Variants in COL9A3 observed in about 807,000 individuals in gnomAD.
The protein encoded by COL9A3 is collagen type IX alpha 3 chain, also known as collagen alpha-3(IX) chain.
Under a neutral mutation model 110.2 loss-of-function variants are expected in COL9A3, and 82 were observed. The observed-to-expected ratio is 0.74, with a 90% CI of 0.62 to 0.89. The LOEUF is 0.89. Among genes scored for constraint, COL9A3 ranks in the 40% least tolerant of loss-of-function variants. COL9A3 has a pLI of 0.00. For missense variants in COL9A3, 1,066 were observed against 981.3 expected, an observed-to-expected ratio of 1.09 and a Z score of -1.15; for synonymous variants, 494 against 403.8, an observed-to-expected ratio of 1.22 and a Z score of -2.68.
At chr20:62,836,108 C>T (rs548093180) in intron 27 of COL9A3, 79 bp from the exon 28 acceptor site, 15 of 1,603,584 alleles carry the variant, frequency 9.4e-6, no homozygotes, top group Non-Finnish European at 1.2e-5. Context: ...CGGCTCCGTG[C>T]CGGCTGGGAA....
At chr20:62,838,157 C>G (rs2063650468) in intron 30 of COL9A3, among the ~76,000 whole-genome samples, 1 of 152,218 alleles carries the variant, frequency 6.6e-6, no homozygotes. Flanking sequence ...TGCCAGAGGT[C>G]AGGGAGGTGG....
intron 10 of COL9A3, among the ~76,000 whole-genome samples, chr20:62,823,026 G>A (rs1372375061): frequency 1.3e-5 from 2 of 151,796 alleles, no homozygotes; most frequent in Non-Finnish European, 2.9e-5. Flanking sequence ...TTTGAGCCTT[G>A]TCATTTGCCT....
At chr20:62,827,175 C>G in intron 15 of COL9A3, 66 bp from the exon 16 acceptor site, 1 of 1,572,682 alleles carries the variant, frequency 6.4e-7, no homozygotes, top group Non-Finnish European at 8.7e-7. Context: ...TGGAGGGGCC[C>G]CCGTCCTACT....
intron 11 of COL9A3, 97 bp from the exon 12 acceptor site, chr20:62,824,871 C>A: frequency 7.7e-7 from 1 of 1,300,108 alleles, no homozygotes; most frequent in Non-Finnish European, 1.1e-6. Context: ...GTGTGGCGGG[C>A]CCTGGGCTGA....
rs3034175 is a variant in COL9A3 at position 62,822,830 on chromosome 20, CCCT to C, written c.519+203_519+205del. 0.14 allele frequency among the ~76,000 whole-genome samples: 21,285 copies of C among 152,018 alleles called. 1,544 individuals are homozygous for C. Among genetic ancestry groups the C allele is most frequent in the African/African-American group, 0.17 (7,116 of 41,440 alleles). On this transcript the variant is annotated intron_variant, in intron 10 of 31. Transcript: ENST00000649368. ...TGGGACCTCCCCCTCCCCCTTCCCA[CCCT>C]CCTCACCACCGTCTAGACCTGCACT...
At chr20:62,827,679 C>T (rs1380641948) in intron 16 of COL9A3, among the ~76,000 whole-genome samples, 1 of 152,218 alleles carries the variant, frequency 6.6e-6, no homozygotes. Context: ...ACTGGTCAGC[C>T]TCCACACCTC....
At chr20:62,835,887 A>C (rs778273129) in intron 26 of COL9A3, 34 bp from the exon 27 acceptor site, 6 of 1,613,790 alleles carry the variant, frequency 3.7e-6, no homozygotes, top group South Asian at 1.1e-5. Context: ...CCAACAATAC[A>C]CTTAGTTCAA....
At chr20:62,836,927 G>C (rs751816054) in intron 29 of COL9A3, 156 bp from the exon 30 acceptor site, 13 of 1,010,296 alleles carry the variant, frequency 1.3e-5, no homozygotes, top group Non-Finnish European at 1.9e-5. Context: ...TCTAGCTCCA[G>C]CATTCATCAC....
chr20:62,826,732 A>T (rs2063556243), intron 14 of COL9A3, 35 bp from the exon 15 acceptor site: 1 of 1,610,782 alleles, frequency 6.2e-7, no homozygotes, highest in Non-Finnish European at 8.5e-7. Context: ...CAGGCCTCAG[A>T]CAAGAGGACC....
chr20:62,821,305 G>T, intron 6 of COL9A3, 89 bp downstream of exon 6: 1 of 1,442,640 alleles, frequency 6.9e-7, no homozygotes, highest in Non-Finnish European at 9.6e-7. Flanking sequence ...AGGAATCCCA[G>T]GGACCATCCC....
At chr20:62,826,622 G>T in intron 14 of COL9A3, 145 bp from the exon 15 acceptor site, 1 of 829,202 alleles carries the variant, frequency 1.2e-6, no homozygotes. Flanking sequence ...GGGATTTGGA[G>T]ACTACTAGGT....
chr20:62,818,409 G>A lies in COL9A3; in HGVS notation c.148-109G>A, dbSNP rs142657282. 616 of 1,071,278 alleles carry A rather than the reference G, an allele frequency of 5.8e-4. 18 individuals carry two copies. The East Asian group carries it at 0.014, about 25-fold the overall frequency. The allele number at this position is 1,071,278 out of a possible 1,614,324, so 66.4% of individuals were successfully genotyped here. Reference sequence around the variant, plus strand: ...TCAGGGGCCCCTTTTGTCTGCTGGGGCTGGGCCTCTGGGGCTGATTTGGAG... The same window carrying A: ...TCAGGGGCCCCTTTTGTCTGCTGGGACTGGGCCTCTGGGGCTGATTTGGAG... On this transcript the variant is annotated intron_variant, in intron 2 of 31. Coordinates refer to ENST00000649368, the MANE Select transcript of COL9A3 (RefSeq NM_001853.4).
chr20:62,830,257 G>A lies in COL9A3; in HGVS notation c.1162-103G>A, dbSNP rs1281835803. The A allele has an allele frequency of 5.1e-6, 7 of 1,364,482 alleles. No individual in the cohort carries two copies. In the Admixed American group the frequency reaches 1.2e-4, roughly 23 times the overall value. The allele number at this position is 1,364,482 out of a possible 1,614,324, so 84.5% of individuals were successfully genotyped here. A position where few individuals can be genotyped will look rare whatever the true frequency, so the allele number is the denominator to read the frequency against. ...GCCAGGTGGCTTAGAACCGGCTCCT[G>A]TGTCCACCCACTCTGGGGGAAGGCT... On this transcript the variant is annotated intron_variant, in intron 22 of 31. Coordinates refer to ENST00000649368, the MANE Select transcript of COL9A3 (RefSeq NM_001853.4).
intron 17 of COL9A3, among the ~76,000 whole-genome samples, chr20:62,828,345 G>C (rs915098945): frequency 1.3e-5 from 2 of 152,200 alleles, no homozygotes; most frequent in Non-Finnish European, 2.9e-5. Context: ...CCCTCGTGTT[G>C]CCTCTGCCCC....
At chr20:62,824,827 A>C (rs1568753006) in intron 11 of COL9A3, 141 bp from the exon 12 acceptor site, 4 of 926,976 alleles carry the variant, frequency 4.3e-6, no homozygotes, top group Non-Finnish European at 6.8e-6. Context: ...CAGTTTCCCC[A>C]TGAGGGCCCA....
rs376052856 is a variant in COL9A3 at position 62,825,643 on chromosome 20, C to T, written c.631-174C>T. ...CCGGCAGGGCGAGGCCACCGAGACT[C>T]GCGGGACTGCTCTGGAACTGTGGGC... On this transcript the variant is annotated intron_variant, in intron 12 of 31. Coordinates refer to ENST00000649368, the MANE Select transcript of COL9A3 (RefSeq NM_001853.4). 7.2e-5 allele frequency: 50 copies of T among 694,960 alleles called. No individual in the cohort carries two copies. In the Middle Eastern group the frequency reaches 1.2e-3, roughly 17 times the overall value. 43.0% of individuals were successfully genotyped at this position (694,960 alleles called of 1,614,324 possible).
intron 28 of COL9A3, 46 bp from the exon 29 acceptor site, chr20:62,836,420 GGAATGCCTCACC>G (rs2063636511): frequency 1.2e-6 from 2 of 1,613,234 alleles, no homozygotes; most frequent in Admixed American, 3.3e-5. Flanking sequence ...GGTGACGGTG[GGAATGCCTCACC>G]GAGGCTGCCG....
rs756924447 is a variant in COL9A3, at chr20:62,830,530, G to A, written c.1229G>A (p.Ser410Asn). ...GVRGFQGQKG[S>N]MGDPGLPGPQ... ...CTCCTTCCCCAGGGCCAGAAGGGCAGCATGGGAGACCCCGGCCTTCCAGGC... is the reference window on the plus strand; with the variant it reads ...CTCCTTCCCCAGGGCCAGAAGGGCAACATGGGAGACCCCGGCCTTCCAGGC... Residue 410 changes from serine (S) to asparagine (N), a missense_variant, in exon 24 of 32, where the codon AGC becomes AAC. Physicochemically the swap from Ser to Asn is conservative, Grantham distance 46. Transcript: ENST00000649368. 1 of 1,608,764 alleles carries A rather than the reference G, an allele frequency of 6.2e-7. No homozygotes were observed. Among genetic ancestry groups the A allele is most frequent in the Non-Finnish European group, 8.5e-7 (1 of 1,178,548 alleles).
upstream of COL9A3, among the ~76,000 whole-genome samples, chr20:62,816,775 T>C (rs1990925993): frequency 3.3e-5 from 5 of 152,078 alleles, no homozygotes; most frequent in Admixed American, 3.3e-4. Flanking sequence ...GAAAAGAGCG[T>C]CTTTCTCTCT....
Sources: gnomAD v4.1 joint callset for allele counts (sites outside exome capture counted in the v4.1 genomes callset) on GRCh38, gnomAD v4.1.1 for gene constraint, MANE v1.5 for transcripts, NCBI Gene and HGNC (gene_info 2026-07-23, HGNC 2026-07-21) for gene names.